Variants in STOML3 observed in about 807,000 individuals in gnomAD.
The protein encoded by STOML3 is stomatin-like protein 3.
In STOML3, 31 loss-of-function variants were observed where a neutral mutation model predicts 29.5. The ratio of observed to expected loss-of-function variants is 1.05; its 90% CI spans 0.79 to 1.42. STOML3 has a LOEUF of 1.42. Among genes scored for constraint, STOML3 ranks in the 40% most tolerant of loss-of-function variants. The pLI, the probability that STOML3 is intolerant of heterozygous loss-of-function variation, is 0.00. For synonymous variants in STOML3, 122 were observed against 139.8 expected, an observed-to-expected ratio of 0.87 and a Z score of 0.90; for missense variants, 380 against 363.0, an observed-to-expected ratio of 1.05 and a Z score of -0.38.
At chr13:38,976,388 G>A in intron 3 of STOML3, 152 bp downstream of exon 3, 3 of 779,464 alleles carry the variant, frequency 3.8e-6, no homozygotes, top group South Asian at 1.8e-5. Context: ...TTAAAAGGTG[G>A]CATTCTTCTG....
chr13:38,970,054 A>G, intron 5 of STOML3, 131 bp downstream of exon 5: 1 of 713,926 alleles, frequency 1.4e-6, no homozygotes, highest in Non-Finnish European at 2.3e-6. Context: ...CCTCTAGAGC[A>G]GTTGTCTGTG....
In STOML3 at chr13:38,967,010, G is replaced by T. The variant is rs1566201957; in HGVS notation, c.691C>A (p.Leu231Met). The change falls in exon 7 of 7, where the codon CTG becomes ATG. Residue 231 changes from leucine (L) to methionine (M), a missense_variant. Physicochemically the swap from Leu to Met is conservative, Grantham distance 15. Transcript: ENST00000379631. ...AEGEMNASKS[L>M]KSASMVLAES... The stretch of plus-strand genomic sequence containing the variant: ...GCCAGCACCATGGAGGCTGACTTCA[G>T]GGATTTGGAAGCATTCATTTCTCCT... The T allele has an allele frequency of 1.2e-6, 2 of 1,613,986 alleles. No homozygotes were observed. Among genetic ancestry groups the T allele is most frequent in the East Asian group, 4.5e-5 (2 of 44,856 alleles).
At position 38,990,800 on chromosome 13, in the gene STOML3, A is replaced by G. The variant is rs138281746; in HGVS notation, c.-79T>C. ...GTGTGAAGAACAGGCAGCAACTCAG[A>G]TGTGCTTGGGAGAGGGGAGAGGAGA... On this transcript the variant is annotated 5_prime_UTR_variant, in exon 1 of 7. Coordinates refer to ENST00000379631, the MANE Select transcript of STOML3 (RefSeq NM_145286.3). 5.1e-6 allele frequency: 7 copies of G among 1,375,624 alleles called. No homozygotes were observed. The highest frequency in any genetic ancestry group is 1.4e-5 in the African/African-American group (1 of 70,372). The allele number at this position is 1,375,624 out of a possible 1,614,324, so 85.2% of individuals were successfully genotyped here. A position where few individuals can be genotyped will look rare whatever the true frequency, so the allele number is the denominator to read the frequency against.
chr13:38,980,286 A>G (rs149372386), intron 1 of STOML3, among the ~76,000 whole-genome samples: 1 of 152,160 alleles, frequency 6.6e-6, no homozygotes, highest in Non-Finnish European at 1.5e-5. Context: ...TGCTGCTGTC[A>G]CCTTCCCTGC....
At chr13:38,978,342 C>T (rs1593503587) in intron 1 of STOML3, among the ~76,000 whole-genome samples, 1 of 151,784 alleles carries the variant, frequency 6.6e-6, no homozygotes. Context: ...TTAGTAGAGA[C>T]GGGGTTTCGC....
intron 1 of STOML3, among the ~76,000 whole-genome samples, chr13:38,985,904 TTTCTTTC>T: frequency 1.0e-5 from 1 of 95,282 alleles, no homozygotes; most frequent in South Asian, 3.9e-4. Flanking sequence ...TTTTTTTTCT[TTTCTTTC>T]TTTTTTTTTT....
At position 38,971,146 on chromosome 13, in the gene STOML3, C is replaced by T. The variant is rs527658487; in HGVS notation, c.313-758G>A. Among the ~76,000 whole-genome samples, 129 of 152,264 alleles carry T rather than the reference C, an allele frequency of 8.5e-4. 1 individual carries two copies. Among genetic ancestry groups the T allele is most frequent in the African/African-American group, 3.0e-3 (124 of 41,544 alleles). ...CTCCCAGGTGCAAGTGACTCTCCTG[C>T]CTCAGTCTCCTGAGTAGCTGGGATT... On this transcript the variant is annotated intron_variant, in intron 4 of 6. Transcript: ENST00000379631.
intron 3 of STOML3, 37 bp from the exon 4 acceptor site, chr13:38,972,631 T>C: frequency 6.3e-7 from 1 of 1,593,412 alleles, no homozygotes; most frequent in South Asian, 1.1e-5. Flanking sequence ...TGTTGCTCTG[T>C]TGAAAATAAC....
At chr13:38,970,690 A>G (rs1024113040) in intron 4 of STOML3, among the ~76,000 whole-genome samples, 20 of 152,206 alleles carry the variant, frequency 1.3e-4, no homozygotes, top group African/African-American at 4.6e-4. Context: ...TGTTAACAGT[A>G]CAGCCCTTGT....
chr13:38,975,298 G>A lies in STOML3; in HGVS notation c.229+1242C>T, dbSNP rs1236570455. 3.3e-5 allele frequency among the ~76,000 whole-genome samples: 5 copies of A among 149,946 alleles called. No individual in the cohort carries two copies. In the South Asian group the frequency reaches 1.1e-3, roughly 32 times the overall value. ...ATCACGCCACTGCACTCCAGCCTGG[G>A]CGACAGAGCGAGACTCTGTCTCAGA... On this transcript the variant is annotated intron_variant, in intron 3 of 6. Transcript: ENST00000379631.
At chr13:38,977,547 T>C (rs1178295635) in intron 1 of STOML3, among the ~76,000 whole-genome samples, 1 of 152,212 alleles carries the variant, frequency 6.6e-6, no homozygotes, top group Non-Finnish European at 1.5e-5. Flanking sequence ...ATATTTGCCC[T>C]TTCTAACTTT....
chr13:38,973,129 A>G (rs1880946478), intron 3 of STOML3, among the ~76,000 whole-genome samples: 1 of 149,118 alleles, frequency 6.7e-6, no homozygotes, highest in South Asian at 2.1e-4. Flanking sequence ...AAAAAAAAAA[A>G]AAATTATCTG....
At chr13:38,985,011 G>A (rs1162787121) in intron 1 of STOML3, among the ~76,000 whole-genome samples, 1 of 152,122 alleles carries the variant, frequency 6.6e-6, no homozygotes, top group Non-Finnish European at 1.5e-5. Flanking sequence ...TAGAAATCAT[G>A]GTTCATCAGA....
At chr13:38,987,781 G>GTATATAT (rs1227186018) in intron 1 of STOML3, among the ~76,000 whole-genome samples, 1 of 100,228 alleles carries the variant, frequency 1.0e-5, no homozygotes, top group African/African-American at 4.0e-5. Context: ...ATACTATTGT[G>GTATATAT]TATATATTAT....
At chr13:38,980,369 CTT>C (rs1388699531) in intron 1 of STOML3, among the ~76,000 whole-genome samples, 1 of 152,138 alleles carries the variant, frequency 6.6e-6, no homozygotes, top group Non-Finnish European at 1.5e-5. Context: ...TCCTGGCAGC[CTT>C]TCTCTCTCCC....
intron 1 of STOML3, among the ~76,000 whole-genome samples, chr13:38,989,432 A>G (rs951510477): frequency 1.2e-4 from 18 of 152,142 alleles, no homozygotes; most frequent in African/African-American, 1.7e-4. Context: ...GCCTACTTCA[A>G]AAGAAAAGTT....
chr13:38,969,531 A>G (rs1243667606), intron 5 of STOML3, among the ~76,000 whole-genome samples: 7 of 152,234 alleles, frequency 4.6e-5, no homozygotes, highest in Non-Finnish European at 1.5e-5. Context: ...TGTAGGGACT[A>G]GAGGAGAGGC....
At position 38,970,284 on chromosome 13, in the gene STOML3, T is replaced by A. The variant is rs1306619336; in HGVS notation, c.417A>T (p.Ala139=). Residue 139 remains alanine, a synonymous_variant, in exon 5 of 7, where the codon GCA becomes GCT. Transcript: ENST00000379631. The part of the protein sequence containing the change: ...AVANVNDVHQ[A]TFLLAQTTLR... ...GAGTGGTTTGAGCCAGCAGAAATGTTGCTTGATGGACATCGTTGACATTAG... is the reference window on the plus strand; with the variant it reads ...GAGTGGTTTGAGCCAGCAGAAATGTAGCTTGATGGACATCGTTGACATTAG... 6.2e-7 allele frequency: 1 copy of A among 1,614,104 alleles called. No homozygotes were observed. Among genetic ancestry groups the A allele is most frequent in the African/African-American group, 1.3e-5 (1 of 74,940 alleles).
At chr13:38,980,958 T>C (rs1007188259) in intron 1 of STOML3, among the ~76,000 whole-genome samples, 1 of 152,176 alleles carries the variant, frequency 6.6e-6, no homozygotes, top group South Asian at 2.1e-4. Flanking sequence ...GACTTCCCCC[T>C]GTGTGTGGCT....
Sources: allele counts gnomAD v4.1 joint callset (sites outside exome capture counted in the v4.1 genomes callset), GRCh38; gene constraint gnomAD v4.1.1; transcripts MANE v1.5; gene names NCBI Gene and HGNC (gene_info 2026-07-23, HGNC 2026-07-21).